The following TENT5D variants were observed in gnomAD, a reference collection of about 807,000 sequenced individuals.
TENT5D encodes cancer/testis antigen 112.
For synonymous variants in TENT5D, 103 were observed against 100.6 expected (o/e 1.02, Z -0.15); for missense variants, 191 against 287.0 (o/e 0.67, Z 2.42).
chrX:80,426,572 T>C (rs2147562261), intron 1 of TENT5D, among the ~76,000 whole-genome samples: 1 of 111,846 alleles, frequency 8.9e-6, no homozygotes, highest in African/African-American at 3.2e-5. Flanking sequence ...TAAAGAAAAA[T>C]CTATGTAATA....
chrX:80,440,826 C>A (rs1358523463), intron 2 of TENT5D, among the ~76,000 whole-genome samples: 1 of 110,899 alleles, frequency 9.0e-6, no homozygotes, highest in Non-Finnish European at 1.9e-5. Flanking sequence ...TGTTTTTCTT[C>A]CTAAAACCTT....
chrX:80,364,336 T>C (rs1930465370), intron 3 of TENT5D, among the ~76,000 whole-genome samples: 1 of 111,844 alleles, frequency 8.9e-6, no homozygotes, highest in African/African-American at 3.2e-5. Context: ...ACACTGGTAT[T>C]TGCCCACTTT....
upstream of TENT5D, among the ~76,000 whole-genome samples, chrX:80,415,927 A>G (rs1056359656): frequency 9.0e-6 from 1 of 110,979 alleles, no homozygotes; most frequent in South Asian, 3.7e-4. Flanking sequence ...TGGTCTTTGT[A>G]CTTTCTGATT....
At chrX:80,413,102 A>T (rs1390515380) in intron 3 of TENT5D, among the ~76,000 whole-genome samples, 3 of 111,896 alleles carry the variant, frequency 2.7e-5, no homozygotes, top group Non-Finnish European at 5.6e-5. Flanking sequence ...TCTAGCAGAG[A>T]TAAATAACGT....
intron 3 of TENT5D, among the ~76,000 whole-genome samples, chrX:80,394,934 AC>A (rs1200772496): frequency 9.0e-6 from 1 of 111,014 alleles, no homozygotes; most frequent in Non-Finnish European, 1.9e-5. Context: ...AACTATAGTC[AC>A]CCTAATGTGC....
At chrX:80,408,388 A>C (rs770818956) in intron 3 of TENT5D, among the ~76,000 whole-genome samples, 2 of 111,412 alleles carry the variant, frequency 1.8e-5, no homozygotes, top group South Asian at 7.7e-4. Context: ...AGAATCAAAT[A>C]GACACAATAA....
At chrX:80,394,791 A>G (rs1377512267) in intron 3 of TENT5D, among the ~76,000 whole-genome samples, 1 of 111,792 alleles carries the variant, frequency 8.9e-6, no homozygotes, top group African/African-American at 3.3e-5. Context: ...GTTTTGATAC[A>G]TGTATACATT....
At chrX:80,396,766 C>G (rs1411623039) in intron 3 of TENT5D, among the ~76,000 whole-genome samples, 1 of 99,915 alleles carries the variant, frequency 1.0e-5, no homozygotes, top group Admixed American at 1.1e-4. Context: ...GTCATCATGG[C>G]CCGTTCTCAA....
At chrX:80,403,568 G>C (rs1931428550) in intron 3 of TENT5D, among the ~76,000 whole-genome samples, 1 of 112,427 alleles carries the variant, frequency 8.9e-6, no homozygotes, top group Non-Finnish European at 1.9e-5. Flanking sequence ...AAGCTTCGCT[G>C]TGCTTTATAA....
intron 3 of TENT5D, among the ~76,000 whole-genome samples, chrX:80,390,884 G>A (rs981690594): frequency 7.1e-5 from 8 of 111,928 alleles, no homozygotes. Context: ...GAACGTTCTT[G>A]TGTGTATGCT....
chrX:80,341,837 G>A (rs1014928799), intron 2 of TENT5D, among the ~76,000 whole-genome samples: 8 of 101,862 alleles, frequency 7.9e-5, no homozygotes, highest in African/African-American at 2.2e-4. Context: ...TCAGCCTCCC[G>A]AGTAGCTGGG....
chrX:80,339,033 A>G (rs1447500896), intron 2 of TENT5D, among the ~76,000 whole-genome samples: 1 of 111,948 alleles, frequency 8.9e-6, no homozygotes, highest in Non-Finnish European at 1.9e-5. Flanking sequence ...TAATCTGGCC[A>G]GGTATTATCC....
intron 2 of TENT5D, among the ~76,000 whole-genome samples, chrX:80,441,270 G>A (rs1489549424): frequency 9.0e-6 from 1 of 111,095 alleles, no homozygotes; most frequent in Non-Finnish European, 1.9e-5. Flanking sequence ...AAACAGAATA[G>A]GTTTAATTTT....
chrX:80,417,330 C>A (rs773250501), upstream of TENT5D, among the ~76,000 whole-genome samples: 148 of 110,860 alleles, frequency 1.3e-3, no homozygotes, highest in African/African-American at 4.7e-3. Context: ...GTGCAGATTT[C>A]ATTCTATCAT....
chrX:80,391,669 A>G (rs1931129961), intron 3 of TENT5D, among the ~76,000 whole-genome samples: 1 of 112,659 alleles, frequency 8.9e-6, no homozygotes, highest in Non-Finnish European at 1.9e-5. Context: ...TAAAGTATAC[A>G]CACATTATTT....
In TENT5D at chrX:80,397,348, T is replaced by C. The variant is rs369042369; in HGVS notation, c.-141-41262T>C. On this transcript the variant is annotated intron_variant, in intron 3 of 4. Transcript: ENST00000538312. ...CAGACGATGGGCGGCCGGGCAGAGA[T>C]GCTCCTCACTTCCTAGATGGGATGG... Among the ~76,000 whole-genome samples the C allele has an allele frequency of 6.2e-5, 6 of 96,811 alleles. No individual in the cohort carries two copies. In the South Asian group the frequency reaches 1.6e-3, roughly 25 times the overall value. 84.1% of individuals were successfully genotyped at this position (96,811 alleles called of 115,157 possible).
chrX:80,405,947 C>T (rs1303823797), intron 3 of TENT5D, among the ~76,000 whole-genome samples: 3 of 109,599 alleles, frequency 2.7e-5, no homozygotes, highest in Non-Finnish European at 5.7e-5. Context: ...TGACCCCTGA[C>T]CCCCGAGCAG....
At chrX:80,345,684 A>G (rs1398521135) in intron 3 of TENT5D, among the ~76,000 whole-genome samples, 2 of 111,897 alleles carry the variant, frequency 1.8e-5, no homozygotes, top group Non-Finnish European at 1.9e-5. Context: ...CTCTGGAGCA[A>G]TAGAAACTAG....
intron 3 of TENT5D, among the ~76,000 whole-genome samples, chrX:80,407,012 T>A (rs2147549781): frequency 9.5e-6 from 1 of 105,180 alleles, no homozygotes; most frequent in South Asian, 4.5e-4. Context: ...GCTTCATAAG[T>A]GAAGGAGAAA....
Sources: gnomAD v4.1 joint callset for allele counts (sites outside exome capture counted in the v4.1 genomes callset) on GRCh38, gnomAD v4.1.1 for gene constraint, MANE v1.5 for transcripts, NCBI Gene and HGNC (gene_info 2026-07-23, HGNC 2026-07-21) for gene names.